The following HS6ST3 variants were observed in gnomAD, a reference collection of about 807,000 sequenced individuals.
The protein encoded by HS6ST3 is heparan-sulfate 6-O-sulfotransferase 3.
Under a neutral mutation model 36.7 loss-of-function variants are expected in HS6ST3, and 12 were observed. That is an observed-to-expected ratio of 0.33 (90% CI 0.21 to 0.53). The LOEUF (loss-of-function observed/expected upper bound fraction) is 0.53, where lower values mean the gene tolerates loss of function less well. HS6ST3 is among the 20% of genes least tolerant of loss of function. The pLI, the probability that HS6ST3 is intolerant of heterozygous loss-of-function variation, is 0.95. For missense variants in HS6ST3, 584 were observed against 640.9 expected (o/e 0.91, Z 0.96); for synonymous variants, 240 against 257.5 (o/e 0.93, Z 0.65).
intron 1 of HS6ST3, among the ~76,000 whole-genome samples, chr13:96,407,456 T>A (rs1368523641): frequency 1.3e-5 from 2 of 152,068 alleles, no homozygotes; most frequent in African/African-American, 4.8e-5. Context: ...CCTTATAGAG[T>A]TGTGGTGATT....
At chr13:96,267,869 G>T (rs2054700330) in intron 1 of HS6ST3, among the ~76,000 whole-genome samples, 1 of 151,974 alleles carries the variant, frequency 6.6e-6, no homozygotes, top group East Asian at 1.9e-4. Context: ...ATCATGTGAG[G>T]ATCTTGTTGA....
chr13:96,614,615 T>C (rs1053987278), intron 1 of HS6ST3, among the ~76,000 whole-genome samples: 1 of 152,198 alleles, frequency 6.6e-6, no homozygotes, highest in Non-Finnish European at 1.5e-5. Flanking sequence ...TCTATTAACT[T>C]GTGAAAGTCC....
intron 1 of HS6ST3, among the ~76,000 whole-genome samples, chr13:96,251,335 A>C (rs2054607059): frequency 6.6e-6 from 1 of 152,130 alleles, no homozygotes; most frequent in African/African-American, 2.4e-5. Context: ...CGTTTTTAAG[A>C]ATGTATCCAT....
intron 1 of HS6ST3, among the ~76,000 whole-genome samples, chr13:96,712,130 T>G (rs186831097): frequency 6.6e-6 from 1 of 152,348 alleles, no homozygotes; most frequent in Non-Finnish European, 1.5e-5. Context: ...ATTTCATTTC[T>G]TATCTATTGA....
chr13:96,140,621 T>C (rs2054027066), intron 1 of HS6ST3, among the ~76,000 whole-genome samples: 1 of 152,208 alleles, frequency 6.6e-6, no homozygotes. Context: ...TTTCCTGCTA[T>C]TTCAAAATAA....
At chr13:96,525,734 G>C (rs1003417187) in intron 1 of HS6ST3, among the ~76,000 whole-genome samples, 1 of 152,084 alleles carries the variant, frequency 6.6e-6, no homozygotes, top group East Asian at 1.9e-4. Flanking sequence ...GTACCTATTA[G>C]GAATGAACGT....
intron 1 of HS6ST3, among the ~76,000 whole-genome samples, chr13:96,745,170 A>G (rs1876533179): frequency 6.6e-6 from 1 of 152,104 alleles, no homozygotes; most frequent in African/African-American, 2.4e-5. Context: ...CCTGCCATCC[A>G]TGCAGCCACC....
intron 1 of HS6ST3, among the ~76,000 whole-genome samples, chr13:96,804,611 A>T (rs1407952978): frequency 6.6e-6 from 1 of 152,120 alleles, no homozygotes; most frequent in East Asian, 1.9e-4. Flanking sequence ...AAAACCTGCA[A>T]AGAATCATTT....
intron 1 of HS6ST3, among the ~76,000 whole-genome samples, chr13:96,193,633 T>C (rs1257211004): frequency 6.6e-6 from 1 of 152,142 alleles, no homozygotes; most frequent in African/African-American, 2.4e-5. Context: ...CTGGAGCAGA[T>C]GTTACAGATT....
chr13:96,517,051 A>T (rs1469968541), intron 1 of HS6ST3, among the ~76,000 whole-genome samples: 1 of 152,202 alleles, frequency 6.6e-6, no homozygotes, highest in African/African-American at 2.4e-5. Flanking sequence ...CTGGAGTATC[A>T]TCACTTTCAC....
Position 96,091,009 on chromosome 13 carries a change from C to A in HS6ST3, c.147C>A (p.Pro49=). 7.8e-7 allele frequency: 1 copy of A among 1,288,418 alleles called. No homozygotes were observed. The allele number at this position is 1,288,418 out of a possible 1,614,324, so 79.8% of individuals were successfully genotyped here. A position where few individuals can be genotyped will look rare whatever the true frequency, so the allele number is the denominator to read the frequency against. The change falls in exon 1 of 2, where the codon CCC becomes CCA. Residue 49 remains proline, a synonymous_variant. Transcript: ENST00000376705. ...CCCGCGCGGGGGAGGCCGGCCCGCC[C>A]GCCGTCCCGGGTCCCGCCCGCCGGG... is the stretch of plus-strand genomic sequence containing the variant. The part of the protein sequence containing the change: ...EQPRAGEAGP[P]AVPGPARRAQ...
At chr13:96,396,341 A>G (rs1389405574) in intron 1 of HS6ST3, among the ~76,000 whole-genome samples, 3 of 151,758 alleles carry the variant, frequency 2.0e-5, no homozygotes, top group Non-Finnish European at 4.4e-5. Context: ...TTTGTTTTTT[A>G]AAAGGAATTA....
At chr13:96,767,099 A>G (rs1044470582) in intron 1 of HS6ST3, among the ~76,000 whole-genome samples, 7 of 152,252 alleles carry the variant, frequency 4.6e-5, no homozygotes, top group Non-Finnish European at 8.8e-5. Context: ...TACAGTGACT[A>G]CATCGTGCCT....
chr13:96,220,231 T>C (rs949839425), intron 1 of HS6ST3, among the ~76,000 whole-genome samples: 1 of 152,214 alleles, frequency 6.6e-6, no homozygotes, highest in African/African-American at 2.4e-5. Flanking sequence ...TGTCATCCTT[T>C]CCATGCAGAT....
chr13:96,144,941 T>C (rs2054049831), intron 1 of HS6ST3, among the ~76,000 whole-genome samples: 2 of 151,332 alleles, frequency 1.3e-5, no homozygotes, highest in South Asian at 2.1e-4. Context: ...AATGATGGTT[T>C]CCAGCTTCCT....
chr13:96,661,231 G>A (rs192863074), intron 1 of HS6ST3, among the ~76,000 whole-genome samples: 7 of 152,140 alleles, frequency 4.6e-5, no homozygotes, highest in East Asian at 1.9e-4. Context: ...TACTGTTGGC[G>A]GTGTGTTGAA....
intron 1 of HS6ST3, among the ~76,000 whole-genome samples, chr13:96,403,045 T>C (rs927697256): frequency 2.0e-5 from 3 of 152,198 alleles, no homozygotes; most frequent in African/African-American, 2.4e-5. Context: ...AGTTGTTTCA[T>C]GTTCCCCCTG....
chr13:96,540,466 T>C (rs2056173573), intron 1 of HS6ST3, among the ~76,000 whole-genome samples: 1 of 150,584 alleles, frequency 6.6e-6, no homozygotes, highest in Admixed American at 6.6e-5. Context: ...ATCTACAAAA[T>C]TATAAGCATG....
chr13:96,382,127 C>T (rs970133166), intron 1 of HS6ST3, among the ~76,000 whole-genome samples: 2 of 152,018 alleles, frequency 1.3e-5, no homozygotes, highest in African/African-American at 4.8e-5. Flanking sequence ...GCGTTTGGTC[C>T]CTGTGATAAG....
Sources: gnomAD v4.1 joint callset for allele counts (sites outside exome capture counted in the v4.1 genomes callset) on GRCh38, gnomAD v4.1.1 for gene constraint, MANE v1.5 for transcripts, NCBI Gene and HGNC (gene_info 2026-07-23, HGNC 2026-07-21) for gene names.